PTPRN2: variants seen among roughly 807,000 people sequenced by gnomAD.
PTPRN2 encodes the protein protein tyrosine phosphatase receptor type N2.
PTPRN2 carries 74 observed loss-of-function variants against 118.8 expected under a neutral mutation model. That is an observed-to-expected ratio of 0.62 (90% confidence interval 0.52 to 0.76). The LOEUF (loss-of-function observed/expected upper bound fraction) is 0.76, where lower values mean the gene tolerates loss of function less well. Among genes scored for constraint, PTPRN2 ranks in the 30% least tolerant of loss-of-function variants. The probability of loss-of-function intolerance (pLI) is 0.00; values close to 1 mark genes in which losing one functional copy is unlikely to be tolerated. For synonymous variants in PTPRN2, 641 were observed against 608.0 expected (o/e 1.05, Z -0.80); for missense variants, 1,481 against 1,394.4 (o/e 1.06, Z -0.99).
At chr7:157,996,929 G>C (rs960361272) in intron 11 of PTPRN2, among the ~76,000 whole-genome samples, 4 of 152,164 alleles carry the variant, frequency 2.6e-5, no homozygotes, top group Admixed American at 6.5e-5. Flanking sequence ...GGCGGGTGTG[G>C]GGAGGCACGA....
chr7:157,686,052 C>A (rs974921870), intron 12 of PTPRN2, among the ~76,000 whole-genome samples: 27 of 152,210 alleles, frequency 1.8e-4, no homozygotes, highest in African/African-American at 5.1e-4. Flanking sequence ...GAGTCGTGAC[C>A]GCGGGCAGCG....
chr7:158,162,590 T>G (rs551278932), intron 6 of PTPRN2, among the ~76,000 whole-genome samples: 8 of 151,650 alleles, frequency 5.3e-5, no homozygotes, highest in Non-Finnish European at 1.2e-4. Flanking sequence ...AGGTCTCGAG[T>G]GGGGAAACTG....
intron 11 of PTPRN2, among the ~76,000 whole-genome samples, chr7:158,008,394 G>A (rs951984602): frequency 6.6e-6 from 1 of 152,216 alleles, no homozygotes; most frequent in Non-Finnish European, 1.5e-5. Context: ...AGAGAAGGCC[G>A]CGGGGGCTCC....
At chr7:158,410,359 A>G (rs1462736051) in intron 2 of PTPRN2, among the ~76,000 whole-genome samples, 1 of 152,186 alleles carries the variant, frequency 6.6e-6, no homozygotes, top group East Asian at 1.9e-4. Context: ...TGCCAGAGTC[A>G]CCCTCGTCTC....
At chr7:158,473,651 A>C (rs949832153) in intron 2 of PTPRN2, among the ~76,000 whole-genome samples, 1 of 152,236 alleles carries the variant, frequency 6.6e-6, no homozygotes, top group African/African-American at 2.4e-5. Flanking sequence ...TGGTGTCCCA[A>C]GGACACTGTC....
chr7:158,193,953 G>A (rs1024995288), intron 4 of PTPRN2, among the ~76,000 whole-genome samples: 3 of 151,500 alleles, frequency 2.0e-5, no homozygotes, highest in African/African-American at 7.3e-5. Flanking sequence ...CGGCATGGGG[G>A]CTCGCAGCTA....
intron 11 of PTPRN2, among the ~76,000 whole-genome samples, chr7:157,906,144 C>T (rs576608752): frequency 5.3e-5 from 8 of 152,294 alleles, no homozygotes; most frequent in South Asian, 2.1e-4. Context: ...GGTGCCCAGC[C>T]GAGGGCTTTC....
intron 11 of PTPRN2, among the ~76,000 whole-genome samples, chr7:157,921,929 G>A (rs916320375): frequency 2.0e-5 from 3 of 152,208 alleles, no homozygotes; most frequent in Non-Finnish European, 2.9e-5. Context: ...ACAGATGGGA[G>A]CAATGGAGAG....
At position 158,108,255 on chromosome 7, in the gene PTPRN2, G is replaced by GC. The variant is rs554993956; in HGVS notation, c.1643+2573dup. Among the ~76,000 whole-genome samples the GC allele has an allele frequency of 9.9e-4, 147 of 148,842 alleles. 1 individual carries two copies. The South Asian group carries it at 0.013, about 13-fold the overall frequency. The stretch of plus-strand genomic sequence containing the variant: ...CTCACCCACTATAGCCCCACAAATA[G>GC]CCCCCCCTCACCTGGATCTCTGTGC... On this transcript the variant is annotated intron_variant, in intron 10 of 22. Transcript: ENST00000389418.
chr7:158,454,423 C>T (rs1330093493), intron 2 of PTPRN2, among the ~76,000 whole-genome samples: 2 of 146,518 alleles, frequency 1.4e-5, no homozygotes, highest in African/African-American at 5.2e-5. Context: ...ACAGACAAGA[C>T]ACAACACACA....
rs1160221941 is a variant in PTPRN2, at chr7:158,280,622, G to A, written c.277+36197C>T. Among the ~76,000 whole-genome samples the A allele has an allele frequency of 2.6e-5, 4 of 152,236 alleles. 1 individual carries two copies. Among genetic ancestry groups the A allele is most frequent in the Admixed American group, 1.3e-4 (2 of 15,286 alleles). ...CAGGAGATGAAAGGAGGAGCCGAGA[G>A]AGCCTGGGGGAGCCGGACGGGTGCG... On this transcript the variant is annotated intron_variant, in intron 3 of 22. Coordinates refer to ENST00000389418, the MANE Select transcript of PTPRN2 (RefSeq NM_002847.5).
At chr7:157,659,192 G>A (rs961433590) in intron 13 of PTPRN2, among the ~76,000 whole-genome samples, 6 of 151,534 alleles carry the variant, frequency 4.0e-5, no homozygotes, top group African/African-American at 1.5e-4. Flanking sequence ...GCGAGATACA[G>A]GTGCTGTGGG....
At chr7:158,152,239 A>C (rs956988464) in intron 6 of PTPRN2, among the ~76,000 whole-genome samples, 2 of 151,984 alleles carry the variant, frequency 1.3e-5, no homozygotes, top group Non-Finnish European at 2.9e-5. Flanking sequence ...GCGAAGAAAT[A>C]ACCCAGAGTA....
intron 3 of PTPRN2, among the ~76,000 whole-genome samples, chr7:158,301,271 A>G (rs1358516423): frequency 6.6e-6 from 1 of 152,324 alleles, no homozygotes; most frequent in East Asian, 1.9e-4. Flanking sequence ...ATGAACACAG[A>G]CGAACCACGA....
At chr7:157,955,707 C>A (rs1393306664) in intron 11 of PTPRN2, among the ~76,000 whole-genome samples, 2 of 152,286 alleles carry the variant, frequency 1.3e-5, no homozygotes, top group East Asian at 1.9e-4. Flanking sequence ...GAGGGCAAGG[C>A]GGCACCGCAG....
At chr7:157,682,646 G>T in intron 13 of PTPRN2, 79 bp downstream of exon 13, 2 of 1,388,700 alleles carry the variant, frequency 1.4e-6, no homozygotes, top group South Asian at 1.2e-5. Context: ...GAATGGAGGA[G>T]GGGCCAGAGA....
At chr7:158,113,417 T>A (rs1178351711) in intron 9 of PTPRN2, among the ~76,000 whole-genome samples, 1 of 152,012 alleles carries the variant, frequency 6.6e-6, no homozygotes, top group African/African-American at 2.4e-5. Context: ...ATAGGAGTGA[T>A]GAGACAAGGT....
intron 12 of PTPRN2, among the ~76,000 whole-genome samples, chr7:157,698,275 A>G (rs1279804322): frequency 1.3e-5 from 2 of 152,266 alleles, no homozygotes; most frequent in South Asian, 2.1e-4. Context: ...TTAAAGCAGA[A>G]CAATGCAAGT....
chr7:158,011,908 C>G (rs1806076212), intron 11 of PTPRN2, among the ~76,000 whole-genome samples: 1 of 152,222 alleles, frequency 6.6e-6, no homozygotes. Context: ...TTTTTCCCCA[C>G]AGTTCTTTCT....
Sources: gnomAD v4.1 joint callset for allele counts (sites outside exome capture counted in the v4.1 genomes callset) on GRCh38, gnomAD v4.1.1 for gene constraint, MANE v1.5 for transcripts, NCBI Gene and HGNC (gene_info 2026-07-23, HGNC 2026-07-21) for gene names.